Variants in STXBP2 observed in about 807,000 individuals in gnomAD.
STXBP2 encodes syntaxin binding protein 2.
STXBP2 carries 47 observed loss-of-function variants against 72.2 expected under a neutral mutation model. The observed-to-expected ratio is 0.65, with a 90% CI of 0.51 to 0.83. The LOEUF is 0.83. STXBP2 is among the 40% of genes least tolerant of loss of function. The probability of loss-of-function intolerance (pLI) is 0.00; values close to 1 mark genes in which losing one functional copy is unlikely to be tolerated. For missense variants in STXBP2, 702 were observed against 807.6 expected, an observed-to-expected ratio of 0.87 and a Z score of 1.58; for synonymous variants, 367 against 338.7, an observed-to-expected ratio of 1.08 and a Z score of -0.92.
the STXBP2 span, chr19:7,631,632 GTTTTATTC>G: frequency 6.9e-7 from 1 of 1,455,106 alleles, no homozygotes; most frequent in East Asian, 2.6e-5. Context: ...TCATTTAAGT[GTTTTATTC>G]TTTTATCAGT....
At chr19:7,641,122 T>G in intron 6 of STXBP2, 119 bp downstream of exon 6, 10 of 1,042,880 alleles carry the variant, frequency 9.6e-6, no homozygotes, top group East Asian at 2.6e-5. Flanking sequence ...CCCAGCGCTG[T>G]GGGAGGCCAG....
chr19:7,639,672 T>A, intron 3 of STXBP2, 59 bp from the exon 4 acceptor site: 2 of 1,506,368 alleles, frequency 1.3e-6, no homozygotes, highest in Non-Finnish European at 9.1e-7. Flanking sequence ...CACCTGAGAC[T>A]CCCCACGTGG....
rs753879238 is a variant in STXBP2 at position 7,642,242 on chromosome 19, C to T, written c.703C>T (p.Arg235Trp). 6 of 1,614,054 alleles carry T rather than the reference C, an allele frequency of 3.7e-6. No homozygotes were observed. The highest frequency in any genetic ancestry group is 5.1e-6 in the Non-Finnish European group (6 of 1,180,026). The change falls in exon 9 of 19, where the codon CGG (arginine) becomes TGG (tryptophan). Residue 235 changes from arginine to tryptophan, a missense_variant. By Grantham distance (101) the Arg-to-Trp change is moderately radical (BLOSUM62 -3). Transcript: ENST00000221283. This position sits in a 1 kb window ranked among gnomAD's most constrained non-coding sequence, Gnocchi z 6.0. ...CCGCTCCCAGCTGCTGATAATGGAC[C>T]GGGCAGCTGACCCCGTGTCCCCACT... ...KTRSQLLIMD[R>W]AADPVSPLLH...
upstream of STXBP2, chr19:7,632,871 G>T: frequency 6.5e-7 from 1 of 1,535,216 alleles, no homozygotes; most frequent in Non-Finnish European, 8.7e-7. The surrounding 1 kb of genome is among the most constrained non-coding windows in gnomAD (Gnocchi z 5.2). Flanking sequence ...CCTTCAGCTT[G>T]GGGGCCCCTC....
At chr19:7,639,630 C>A in intron 3 of STXBP2, 101 bp from the exon 4 acceptor site, 1 of 1,079,276 alleles carries the variant, frequency 9.3e-7, no homozygotes, top group Non-Finnish European at 1.4e-6. Context: ...TCCTAAGCAT[C>A]CACCCCTCCT....
chr19:7,644,885 C>T (rs1056801451), intron 14 of STXBP2, 133 bp downstream of exon 14: 17 of 1,505,116 alleles, frequency 1.1e-5, no homozygotes, highest in South Asian at 6.4e-5. Context: ...ACAGCTACCC[C>T]TCTGGACCCG....
At chr19:7,636,984 A>C, upstream of STXBP2, 73 of 652,284 alleles carry the variant, frequency 1.1e-4, no homozygotes, top group East Asian at 3.6e-4. Flanking sequence ...CCTCCCCGCC[A>C]GGGACTCAAC....
At position 7,640,398 on chromosome 19, in the gene STXBP2, GTA is replaced by G. The variant is rs760278219; in HGVS notation, c.247-329_247-328del. Reference sequence around the variant, plus strand: ...TGTGCGCATCAGTGTCTGCATGTGTGTATATGTGTGTATGTATGTGTGCGCGC... The same window carrying G: ...TGTGCGCATCAGTGTCTGCATGTGTGTATGTGTGTATGTATGTGTGCGCGC... On this transcript the variant is annotated intron_variant, in intron 4 of 18. Transcript: ENST00000221283. The G allele has an allele frequency of 3.9e-4, 230 of 592,982 alleles. 1 individual carries two copies. Among genetic ancestry groups the G allele is most frequent in the African/African-American group, 2.5e-3 (118 of 47,992 alleles). 36.7% of individuals were successfully genotyped at this position (592,982 alleles called of 1,614,324 possible). A position where few individuals can be genotyped will look rare whatever the true frequency, so the allele number is the denominator to read the frequency against.
chr19:7,645,115 G>A (rs1292696260), intron 14 of STXBP2, 82 bp from the exon 15 acceptor site: 7 of 1,491,384 alleles, frequency 4.7e-6, no homozygotes, highest in Non-Finnish European at 6.4e-6. Flanking sequence ...AGTCCTGGGA[G>A]CTCCTCAGCC....
At chr19:7,637,306 G>A (rs961731280) in intron 1 of STXBP2, 120 bp downstream of exon 1, 3 of 905,498 alleles carry the variant, frequency 3.3e-6, no homozygotes, top group Admixed American at 9.1e-5. Flanking sequence ...CTGGGCGTCC[G>A]AGCACCTGAC....
upstream of STXBP2, chr19:7,633,587 G>T: frequency 1.2e-6 from 1 of 814,260 alleles, no homozygotes. Flanking sequence ...TGCCCCATCT[G>T]CTCCCACCCA....
chr19:7,629,799 G>C, the STXBP2 span: 4 of 1,536,916 alleles, frequency 2.6e-6, no homozygotes, highest in East Asian at 9.8e-5. Context: ...GGTCGGCTTT[G>C]GGCGGAACTG....
upstream of STXBP2, chr19:7,637,103 C>T: frequency 2.4e-6 from 3 of 1,236,780 alleles, no homozygotes; most frequent in Non-Finnish European, 3.0e-6. Flanking sequence ...GGCCACGCCC[C>T]CACCTTGGGA....
chr19:7,646,082 T>C, intron 15 of STXBP2, 167 bp from the exon 16 acceptor site: 1 of 629,146 alleles, frequency 1.6e-6, no homozygotes, highest in Non-Finnish European at 2.9e-6. Flanking sequence ...TGGCTCACTG[T>C]TTCTCTCTCT....
chr19:7,647,749 C>G lies in STXBP2; in HGVS notation c.1721C>G (p.Thr574Ser). ...GGCTCCTCACACATCCTCACCCCGA[C>G]CCGCTTCCTGGATGACCTGAAGGCA... is the stretch of plus-strand genomic sequence containing the variant. ...LIGSSHILTP[T>S]RFLDDLKALD... Residue 574 changes from threonine (T) to serine (S), a missense_variant, in exon 19 of 19, where the codon ACC becomes AGC. By Grantham distance (58) the Thr-to-Ser change is moderately conservative (BLOSUM62 1). Coordinates refer to ENST00000221283, the MANE Select transcript of STXBP2 (RefSeq NM_006949.4). 6.2e-7 allele frequency: 1 copy of G among 1,614,128 alleles called. No homozygotes were observed. Among genetic ancestry groups the G allele is most frequent in the Non-Finnish European group, 8.5e-7 (1 of 1,180,006 alleles).
At chr19:7,630,652 A>T in the STXBP2 span, 4 of 1,537,088 alleles carry the variant, frequency 2.6e-6, no homozygotes, top group Non-Finnish European at 3.5e-6. Flanking sequence ...GATGTCATAC[A>T]GCGCAAGGTG....
chr19:7,633,262 C>T (rs2031406841), upstream of STXBP2: 1 of 885,658 alleles, frequency 1.1e-6, no homozygotes, highest in African/African-American at 1.7e-5. Context: ...GACCCCCAAG[C>T]CCACCAGCCC....
chr19:7,631,779 G>C, the STXBP2 span: 4 of 1,417,300 alleles, frequency 2.8e-6, no homozygotes, highest in Non-Finnish European at 3.7e-6. Context: ...GTTGGGGACT[G>C]AGGGTCCCAG....
rs550720431 is a variant in STXBP2, at chr19:7,641,170, G to A, written c.429+167G>A. 936 of 742,542 alleles carry A rather than the reference G, an allele frequency of 1.3e-3. 6 individuals are homozygous for A. Among genetic ancestry groups the A allele is most frequent in the Non-Finnish European group, 1.3e-3 (553 of 423,860 alleles). 46.0% of individuals were successfully genotyped at this position (742,542 alleles called of 1,614,324 possible). A position where few individuals can be genotyped will look rare whatever the true frequency, so the allele number is the denominator to read the frequency against. Reference sequence around the variant, plus strand: ...ACTTGGGGCCAGGAGTTTGAGACCAGCCTGGGTACAGAGCAAGACCCCGTC... The same window carrying A: ...ACTTGGGGCCAGGAGTTTGAGACCAACCTGGGTACAGAGCAAGACCCCGTC... On this transcript the variant is annotated intron_variant, in intron 6 of 18. Transcript: ENST00000221283.
Sources: allele counts gnomAD v4.1 joint callset, GRCh38; gene constraint gnomAD v4.1.1; non-coding constraint Gnocchi (gnomAD v3.1); transcripts MANE v1.5; gene names NCBI Gene and HGNC (gene_info 2026-07-23, HGNC 2026-07-21).